COG7: variants seen among roughly 807,000 people sequenced by gnomAD.
The protein encoded by COG7 is component of oligomeric golgi complex 7.
A neutral mutation model predicts 91.5 loss-of-function variants in COG7; 49 were observed. The ratio of observed to expected loss-of-function variants is 0.54; its 90% CI spans 0.43 to 0.68. The LOEUF is 0.68. Ranked by LOEUF, COG7 falls within the 30% of genes least tolerant of loss-of-function variation. The pLI is 0.00. For synonymous variants in COG7, 365 were observed against 388.7 expected (o/e 0.94, Z 0.72); for missense variants, 895 against 961.3 (o/e 0.93, Z 0.91).
At chr16:23,452,203 G>A (rs1465842195) in intron 1 of COG7, among the ~76,000 whole-genome samples, 2 of 152,200 alleles carry the variant, frequency 1.3e-5, no homozygotes, top group African/African-American at 2.4e-5. Flanking sequence ...GGGAATCCCA[G>A]AGATCTGCTA....
intron 6 of COG7, among the ~76,000 whole-genome samples, chr16:23,429,153 C>T: frequency 6.6e-6 from 1 of 152,136 alleles, no homozygotes; most frequent in East Asian, 1.9e-4. Flanking sequence ...CCACGCCCAA[C>T]TAATTTTTGT....
chr16:23,453,094 G>A lies in COG7; in HGVS notation c.-100C>T. On this transcript the variant is annotated 5_prime_UTR_variant, in exon 1 of 17. Transcript: ENST00000307149. Reference sequence around the variant, plus strand: ...CGAGCCTGCGAGAGCACCGAGGCTAGCCTCCGAGGCGAACCCCAGAAACGC... The same window carrying A: ...CGAGCCTGCGAGAGCACCGAGGCTAACCTCCGAGGCGAACCCCAGAAACGC... 6.4e-7 allele frequency: 1 copy of A among 1,560,514 alleles called. No individual in the cohort carries two copies.
chr16:23,433,492 GT>G, intron 6 of COG7, 52 bp downstream of exon 6: 1 of 1,611,974 alleles, frequency 6.2e-7, no homozygotes, highest in South Asian at 1.1e-5. Flanking sequence ...GCAGTCACCC[GT>G]TCCCTTGTCA....
chr16:23,415,628 G>T (rs1963640155), intron 9 of COG7: 1 of 152,204 alleles, frequency 6.6e-6, no homozygotes, highest in Non-Finnish European at 1.5e-5. Flanking sequence ...AGTTTACTCA[G>T]AGAGGAACAC....
chr16:23,393,898 G>A (rs112142597), intron 14 of COG7, among the ~76,000 whole-genome samples: 2,282 of 151,964 alleles, frequency 0.015, 59 homozygotes, highest in African/African-American at 0.053. Flanking sequence ...AAAATTAGCC[G>A]GGGATGGTGG....
intron 6 of COG7, 63 bp from the exon 7 acceptor site, chr16:23,425,010 TA>T (rs1391285894): frequency 1.4e-6 from 2 of 1,465,576 alleles, no homozygotes; most frequent in Non-Finnish European, 1.9e-6. Flanking sequence ...CCACCTTTTT[TA>T]AAAAACTTTT....
chr16:23,403,942 T>C (rs967510610), intron 12 of COG7, 108 bp from the exon 13 acceptor site: 1 of 1,355,948 alleles, frequency 7.4e-7, no homozygotes, highest in Non-Finnish European at 1.0e-6. Context: ...TTCTATGCAA[T>C]AGTGGTTCCC....
In COG7 at chr16:23,413,530, T is replaced by G. The variant is rs1380773720; in HGVS notation, c.1327A>C (p.Ile443Leu). The G allele has an allele frequency of 3.7e-6, 6 of 1,611,506 alleles. No individual in the cohort carries two copies. In the Middle Eastern group the frequency reaches 5.0e-4, roughly 133 times the overall value. Residue 443 changes from isoleucine (I) to leucine (L), a missense_variant, in exon 10 of 17, where the codon ATA becomes CTA. By Grantham distance (5) the Ile-to-Leu change is conservative (BLOSUM62 2). Transcript: ENST00000307149. ...TGGTCCAGTTTGCACTTCTTTCGTA[T>G]GGACTGGAGAGTGCTGGTGAAATCA... is the stretch of plus-strand genomic sequence containing the variant. ...VSDFTSTLQS[I>L]RKKCKLDHIP...
intron 4 of COG7, 56 bp downstream of exon 4, chr16:23,442,421 A>C (rs1018787201): frequency 3.3e-6 from 5 of 1,501,474 alleles, no homozygotes; most frequent in Non-Finnish European, 2.8e-6. Flanking sequence ...GAAGACTTAC[A>C]AGGCCTTATC....
intron 4 of COG7, among the ~76,000 whole-genome samples, chr16:23,436,887 C>T (rs533436582): frequency 2.6e-5 from 4 of 152,148 alleles, no homozygotes; most frequent in Non-Finnish European, 4.4e-5. Context: ...GTTTTATCTG[C>T]GTTGAAGCCA....
chr16:23,425,205 G>A (rs1963827024), intron 6 of COG7, among the ~76,000 whole-genome samples: 1 of 152,188 alleles, frequency 6.6e-6, no homozygotes, highest in Non-Finnish European at 1.5e-5. Context: ...ACCTATTCGG[G>A]AAGCAGAGGC....
At chr16:23,394,611 C>T (rs1218003931) in intron 14 of COG7, among the ~76,000 whole-genome samples, 1 of 151,918 alleles carries the variant, frequency 6.6e-6, no homozygotes, top group African/African-American at 2.4e-5. Flanking sequence ...GCAAGAGCTT[C>T]TCAATCTGGC....
intron 7 of COG7, among the ~76,000 whole-genome samples, chr16:23,419,314 G>A (rs893010005): frequency 1.1e-4 from 16 of 152,140 alleles, no homozygotes; most frequent in South Asian, 6.2e-4. Context: ...GGGAGGCTGA[G>A]GCAGGAGAAT....
In COG7 at chr16:23,417,097, C is replaced by T. The variant is rs771100143; in HGVS notation, c.1162G>A (p.Val388Met). 6.2e-7 allele frequency: 1 copy of T among 1,614,206 alleles called. No individual in the cohort carries two copies. Among genetic ancestry groups the T allele is most frequent in the Non-Finnish European group, 8.5e-7 (1 of 1,180,030 alleles). Residue 388 changes from valine (V) to methionine (M), a missense_variant, in exon 9 of 17, where the codon GTG becomes ATG. By Grantham distance (21) the Val-to-Met change is conservative. Transcript: ENST00000307149. ...TTCACGGAGTGGCTCAGCTCCTGCA[C>T]ACAGTCAATCACTTCCCCATGCTCC... is the stretch of plus-strand genomic sequence containing the variant. ...PLEHGEVIDC[V>M]QELSHSVNKL...
chr16:23,413,414 T>C, intron 10 of COG7, 34 bp downstream of exon 10: 4 of 1,073,552 alleles, frequency 3.7e-6, no homozygotes, highest in Non-Finnish European at 5.8e-6. Context: ...CTGGCTACAT[T>C]AGGAACAAGC....
At chr16:23,424,169 T>C (rs974720454) in intron 7 of COG7, among the ~76,000 whole-genome samples, 13 of 152,020 alleles carry the variant, frequency 8.6e-5, no homozygotes, top group African/African-American at 3.1e-4. Context: ...TGGTGCTGCA[T>C]GCCTGTAATT....
At chr16:23,405,614 T>G (rs1238635252) in intron 12 of COG7, among the ~76,000 whole-genome samples, 5 of 151,900 alleles carry the variant, frequency 3.3e-5, no homozygotes, top group African/African-American at 1.2e-4. Context: ...CCTCCCTGGT[T>G]CAAGTGATTC....
chr16:23,395,327 G>A (rs574602380), intron 14 of COG7, among the ~76,000 whole-genome samples: 3 of 152,208 alleles, frequency 2.0e-5, no homozygotes, highest in Non-Finnish European at 4.4e-5. Context: ...GAATTTCTCT[G>A]TACTACAATA....
At chr16:23,391,712 G>C (rs1461263765) in intron 16 of COG7, 1 of 158,506 alleles carries the variant, frequency 6.3e-6, no homozygotes, top group Non-Finnish European at 1.4e-5. Context: ...ACAAGGTATT[G>C]GAATGGCATC....
Sources: gnomAD v4.1 joint callset for allele counts (sites outside exome capture counted in the v4.1 genomes callset) on GRCh38, gnomAD v4.1.1 for gene constraint, MANE v1.5 for transcripts, NCBI Gene and HGNC (gene_info 2026-07-23, HGNC 2026-07-21) for gene names.